Variants in DPP10 observed in about 807,000 individuals in gnomAD.
DPP10 encodes inactive dipeptidyl peptidase 10.
DPP10 carries 33 observed loss-of-function variants against 120.9 expected under a neutral mutation model. The observed-to-expected ratio is 0.27, with a 90% CI of 0.21 to 0.37. The LOEUF is 0.37. Ranked by LOEUF, DPP10 falls within the 10% of genes least tolerant of loss-of-function variation. The probability of loss-of-function intolerance (pLI) is 1.00; values close to 1 mark genes in which losing one functional copy is unlikely to be tolerated. For missense variants in DPP10, 816 were observed against 942.8 expected (o/e 0.87, Z 1.76); for synonymous variants, 337 against 326.1 (o/e 1.03, Z -0.36).
intron 1 of DPP10, among the ~76,000 whole-genome samples, chr2:115,124,614 A>G (rs1428000232): frequency 6.6e-6 from 1 of 152,228 alleles, no homozygotes; most frequent in Non-Finnish European, 1.5e-5. Context: ...CACTCAAGAC[A>G]AGATCAAATC....
chr2:115,441,063 G>T (rs2071999437), intron 3 of DPP10: 1 of 152,140 alleles, frequency 6.6e-6, no homozygotes, highest in Non-Finnish European at 1.5e-5. Flanking sequence ...AGCAAGGCTA[G>T]GTGATTAAAG....
chr2:115,791,338 A>G lies in DPP10; in HGVS notation c.1682A>G (p.Tyr561Cys). The G allele has an allele frequency of 6.2e-7, 1 of 1,609,546 alleles. No individual in the cohort carries two copies. Among genetic ancestry groups the G allele is most frequent in the Non-Finnish European group, 8.5e-7 (1 of 1,178,484 alleles). The change falls in exon 19 of 26, where the codon TAT (tyrosine) becomes TGT (cysteine). Residue 561 changes from tyrosine (Y) to cysteine (C), a missense_variant. Around this residue, in one of 3 missense-constraint regions of DPP10, gnomAD observed 592 missense variants for 649.0 expected, o/e 0.91. Transcript: ENST00000410059. Reference sequence around the variant, plus strand: ...AAAGATTTTATGGACCGAAACCAGTATGCTCTTCTGTTAATAATGTAAGTA... The same window carrying G: ...AAAGATTTTATGGACCGAAACCAGTGTGCTCTTCTGTTAATAATGTAAGTA... The part of the protein sequence containing the change: ...LPKDFMDRNQ[Y>C]ALLLIMDEEP...
intron 1 of DPP10, among the ~76,000 whole-genome samples, chr2:115,259,622 A>G (rs2059160252): frequency 1.3e-5 from 2 of 152,218 alleles, no homozygotes; most frequent in South Asian, 2.1e-4. Context: ...ACATAATTAC[A>G]TGGCCACACT....
chr2:114,463,853 T>C (rs1186838174), intron 1 of DPP10, among the ~76,000 whole-genome samples: 1 of 152,340 alleles, frequency 6.6e-6, no homozygotes, highest in East Asian at 1.9e-4. Flanking sequence ...TGTCCATGTA[T>C]TTCTGCCTTT....
At position 115,054,170 on chromosome 2, in the gene DPP10, G is replaced by A. The variant is rs138088200; in HGVS notation, c.61-255069G>A. ...GAATTAACTTAATCTTCAGAAACCC[G>A]TGGAAGCTTTACTTTATGTAATATG... On this transcript the variant is annotated intron_variant, in intron 1 of 25. Transcript: ENST00000410059. 5.9e-5 allele frequency among the ~76,000 whole-genome samples: 9 copies of A among 152,198 alleles called. No individual in the cohort carries two copies. The East Asian group carries it at 7.7e-4, about 13-fold the overall frequency.
intron 19 of DPP10, among the ~76,000 whole-genome samples, chr2:115,802,434 GT>G (rs1391081333): frequency 1.3e-5 from 2 of 152,036 alleles, no homozygotes; most frequent in Non-Finnish European, 2.9e-5. Flanking sequence ...ATTTCTTTCA[GT>G]TCTGCTCTGA....
At chr2:115,603,565 T>TTTTG (rs1553459805) in intron 5 of DPP10, among the ~76,000 whole-genome samples, 10 of 96,502 alleles carry the variant, frequency 1.0e-4, no homozygotes, top group African/African-American at 7.0e-4. Flanking sequence ...TTGTTGTTTT[T>TTTTG]TTTTGTTTTT....
intron 1 of DPP10, among the ~76,000 whole-genome samples, chr2:114,993,556 T>G (rs1171842738): frequency 8.6e-6 from 1 of 116,806 alleles, no homozygotes; most frequent in Non-Finnish European, 1.8e-5. Context: ...AATGGATGGA[T>G]TCTTATTATG....
chr2:115,172,903 A>G (rs926669225), intron 1 of DPP10, among the ~76,000 whole-genome samples: 5 of 152,192 alleles, frequency 3.3e-5, no homozygotes. Flanking sequence ...CATCTTTAAT[A>G]TTGAGCTCCT....
chr2:115,319,558 A>G (rs1274597204), intron 2 of DPP10, among the ~76,000 whole-genome samples: 2 of 152,080 alleles, frequency 1.3e-5, no homozygotes, highest in Non-Finnish European at 2.9e-5. Flanking sequence ...TGATTTTGTA[A>G]CTTACTCATT....
At chr2:115,708,727 A>G (rs756465889) in intron 7 of DPP10, among the ~76,000 whole-genome samples, 1 of 152,126 alleles carries the variant, frequency 6.6e-6, no homozygotes, top group Non-Finnish European at 1.5e-5. Flanking sequence ...AAACATACTA[A>G]TAATTCAGAT....
At chr2:115,775,914 G>T (rs893523958) in intron 13 of DPP10, among the ~76,000 whole-genome samples, 2 of 152,076 alleles carry the variant, frequency 1.3e-5, no homozygotes, top group Non-Finnish European at 2.9e-5. Flanking sequence ...CACCTTAATA[G>T]ATGCAGACAT....
At chr2:115,230,022 T>G (rs1422497945) in intron 1 of DPP10, among the ~76,000 whole-genome samples, 1 of 151,984 alleles carries the variant, frequency 6.6e-6, no homozygotes, top group Non-Finnish European at 1.5e-5. Flanking sequence ...GTGTGGACAT[T>G]TTAACAATAT....
At chr2:115,646,364 G>A (rs76746975) in intron 5 of DPP10, among the ~76,000 whole-genome samples, 11,674 of 152,118 alleles carry the variant, frequency 0.077, 457 homozygotes, top group African/African-American at 0.089. Flanking sequence ...TGGGAACACA[G>A]CCTGACTCTG....
At chr2:114,582,308 GTC>G (rs1690599176) in intron 1 of DPP10, among the ~76,000 whole-genome samples, 1 of 152,082 alleles carries the variant, frequency 6.6e-6, no homozygotes, top group Non-Finnish European at 1.5e-5. Context: ...ATATTCCATT[GTC>G]TAGGTGCGCC....
intron 1 of DPP10, among the ~76,000 whole-genome samples, chr2:114,824,275 C>T (rs555749354): frequency 6.4e-4 from 97 of 152,198 alleles, no homozygotes; most frequent in Middle Eastern, 3.4e-3. Context: ...ATTCTACACT[C>T]CTCTTCAAAT....
At chr2:115,029,631 T>C (rs1703705641) in intron 1 of DPP10, among the ~76,000 whole-genome samples, 1 of 152,120 alleles carries the variant, frequency 6.6e-6, no homozygotes, top group African/African-American at 2.4e-5. Context: ...TCAGTGTTGG[T>C]TCTTATAGGA....
chr2:114,908,640 T>A (rs1189929833), intron 1 of DPP10, among the ~76,000 whole-genome samples: 1 of 151,836 alleles, frequency 6.6e-6, no homozygotes, highest in Non-Finnish European at 1.5e-5. Context: ...TCTCTTAAGC[T>A]TTTTTAGGAG....
At chr2:115,285,552 A>T (rs961053612) in intron 1 of DPP10, among the ~76,000 whole-genome samples, 8 of 152,102 alleles carry the variant, frequency 5.3e-5, no homozygotes, top group African/African-American at 1.9e-4. Context: ...CCATTGTTAG[A>T]TGAAATGCTT....
Sources: allele counts gnomAD v4.1 joint callset (sites outside exome capture counted in the v4.1 genomes callset), GRCh38; gene constraint gnomAD v4.1.1; regional missense constraint gnomAD v4.1.1; transcripts MANE v1.5; gene names NCBI Gene and HGNC (gene_info 2026-07-23, HGNC 2026-07-21).